The following ALDH3B2 variants were observed in gnomAD, a reference collection of about 807,000 sequenced individuals.
ALDH3B2 encodes aldehyde dehydrogenase family 3 member B2.
ALDH3B2 carries 45 observed loss-of-function variants against 36.7 expected under a neutral mutation model. The ratio of observed to expected loss-of-function variants is 1.23; its 90% confidence interval spans 0.97 to 1.57. The LOEUF is 1.57. ALDH3B2 is among the 40% of genes most tolerant of loss of function. The pLI is 0.00. For synonymous variants in ALDH3B2, 217 were observed against 226.5 expected, an observed-to-expected ratio of 0.96 and a Z score of 0.38; for missense variants, 464 against 513.3, an observed-to-expected ratio of 0.90 and a Z score of 0.93.
intron 6 of ALDH3B2, 102 bp downstream of exon 6, chr11:67,666,020 T>G: frequency 7.1e-7 from 1 of 1,415,662 alleles, no homozygotes; most frequent in African/African-American, 1.4e-5. Flanking sequence ...GCTCCCCACG[T>G]GCCCCCACTG....
chr11:67,675,910 G>A (rs984122204), upstream of ALDH3B2, among the ~76,000 whole-genome samples: 2 of 152,332 alleles, frequency 1.3e-5, no homozygotes, highest in East Asian at 3.9e-4. Flanking sequence ...CTGAATAGAC[G>A]TAAATAAATT....
Position 67,664,703 on chromosome 11 carries a change from G to T in ALDH3B2, c.707-141C>A, listed in dbSNP as rs1344546908. 5.4e-6 allele frequency: 7 copies of T among 1,288,948 alleles called. No individual in the cohort carries two copies. The East Asian group carries it at 1.5e-4, about 28-fold the overall frequency. 79.8% of individuals were successfully genotyped at this position (1,288,948 alleles called of 1,614,324 possible). ...TGACTTCCCAGCGCTTCAGGCTTTG[G>T]AGTGTTTAGGGAAGAAAGTTTCCCC... is the stretch of plus-strand genomic sequence containing the variant. On this transcript the variant is annotated intron_variant, in intron 7 of 9. Coordinates refer to ENST00000349015, the Ensembl canonical transcript of ALDH3B2.
intron 1 of ALDH3B2, among the ~76,000 whole-genome samples, chr11:67,672,250 C>T (rs1167527979): frequency 1.3e-5 from 2 of 149,380 alleles, no homozygotes; most frequent in South Asian, 2.1e-4. Flanking sequence ...CGGATTCAAG[C>T]GATTCTCCTG....
In ALDH3B2 at chr11:67,665,635, G is replaced by C. The variant is rs1257063432; in HGVS notation, c.356C>G (p.Ala119Gly). The C allele has an allele frequency of 1.9e-6, 3 of 1,612,946 alleles. No homozygotes were observed. In the South Asian group the frequency reaches 3.3e-5, roughly 18 times the overall value. ...GGTGACAGGCGTCAGGTGCTTGGTGGCAGCAGTCATGACAATCTTGCCCAC... is the reference window on the plus strand; with the variant it reads ...GGTGACAGGCGTCAGGTGCTTGGTGCCAGCAGTCATGACAATCTTGCCCAC... The change falls in exon 7 of 10, where the codon GCC (alanine) becomes GGC (glycine). Residue 119 changes from alanine (A) to glycine (G), a missense_variant. Coordinates refer to ENST00000349015, the Ensembl canonical transcript of ALDH3B2.
upstream of ALDH3B2, among the ~76,000 whole-genome samples, chr11:67,674,919 G>A (rs1046892951): frequency 6.6e-6 from 1 of 152,158 alleles, no homozygotes; most frequent in Non-Finnish European, 1.5e-5. Flanking sequence ...GCAGGATCCT[G>A]GTGGCAAATG....
Position 67,666,182 on chromosome 11 carries a change from C to A in ALDH3B2, c.259G>T (p.Gly87Cys), listed in dbSNP as rs776679170. The A allele has an allele frequency of 3.7e-6, 6 of 1,614,186 alleles. No homozygotes were observed. The Admixed American group carries it at 1.0e-4, about 27-fold the overall frequency. ...AGCTGCCCTGTCTCCTGGGGTCCGC[C>A]CAGCACCACGGCAAAGCAGCTCTGC... Residue 87 changes from glycine (G) to cysteine (C), a missense_variant, in exon 6 of 10, where the codon GGC (glycine) becomes TGC (cysteine). Coordinates refer to ENST00000349015, the Ensembl canonical transcript of ALDH3B2.
At chr11:67,664,619 G>A in intron 7 of ALDH3B2, 57 bp from the exon 8 acceptor site, 2 of 1,595,914 alleles carry the variant, frequency 1.3e-6, no homozygotes, top group Non-Finnish European at 1.7e-6. Flanking sequence ...GCCCCCAGGG[G>A]TAGGGTAGAG....
exon 5 of ALDH3B2, chr11:67,666,361 G>A: frequency 6.2e-7 from 1 of 1,606,146 alleles, no homozygotes; most frequent in Non-Finnish European, 8.5e-7. Context: ...CCTTCTCTGT[G>A]CCCTGGCTGA....
rs771148923 is a variant in ALDH3B2 at position 67,665,350 on chromosome 11, C to T, written c.641G>A (p.Arg214Gln). The T allele has an allele frequency of 4.0e-5, 64 of 1,612,922 alleles. 1 individual carries two copies. The highest frequency in any genetic ancestry group is 1.0e-4 in the Admixed American group (6 of 59,870). Residue 214 changes from arginine (R) to glutamine (Q), a missense_variant, in exon 7 of 10, where the codon CGG (arginine) becomes CAG (glutamine). Physicochemically the swap from Arg to Gln is conservative, Grantham distance 43. Coordinates refer to ENST00000349015, the Ensembl canonical transcript of ALDH3B2. ...CACGCGGCTGCAGCCCAGCAATGCC[C>T]GCAGCCGCTGGAACTGTTTCTGGTT...
chr11:67,670,707 C>T lies in ALDH3B2; in HGVS notation c.-244-3072G>A, dbSNP rs374056763. 1.1e-4 allele frequency among the ~76,000 whole-genome samples: 17 copies of T among 152,270 alleles called. 1 individual carries two copies. The South Asian group carries it at 3.5e-3, about 32-fold the overall frequency. On this transcript the variant is annotated intron_variant, in intron 1 of 9. Coordinates refer to ENST00000349015, the Ensembl canonical transcript of ALDH3B2. ...TGAAGAATGTGAGGAGACAGGAAGC[C>T]ATGCTGGGCACCTTCCTGGCCACAC...
At chr11:67,678,135 C>G (rs372077900), upstream of ALDH3B2, among the ~76,000 whole-genome samples, 5 of 152,068 alleles carry the variant, frequency 3.3e-5, no homozygotes, top group Non-Finnish European at 7.3e-5. Flanking sequence ...TCATATGGAA[C>G]CAAAAAAGAG....
intron 1 of ALDH3B2, among the ~76,000 whole-genome samples, chr11:67,672,077 A>G (rs56369594): frequency 0.015 from 964 of 66,382 alleles, 91 homozygotes; most frequent in African/African-American, 0.055. Flanking sequence ...ATATATATAT[A>G]TATATATATA....
intron 1 of ALDH3B2, among the ~76,000 whole-genome samples, chr11:67,669,751 TCCAC>T (rs1191404885): frequency 2.9e-5 from 4 of 136,986 alleles, no homozygotes; most frequent in Admixed American, 1.4e-4. Context: ...GGTGTCTGTG[TCCAC>T]GTGTGTCTGT....
intron 1 of ALDH3B2, 95 bp from the exon 2 acceptor site, chr11:67,667,730 C>T: frequency 4.3e-6 from 1 of 233,878 alleles, no homozygotes; most frequent in Non-Finnish European, 8.2e-6. Context: ...CCTTGCCCCA[C>T]CTGCACCCAT....
chr11:67,663,258 A>G (rs375308570), exon 10 of ALDH3B2: 8 of 1,613,772 alleles, frequency 5.0e-6, no homozygotes, highest in Non-Finnish European at 6.8e-6. Context: ...CCAGCGTAAC[A>G]GCTGCTGGTT....
At chr11:67,672,991 T>C (rs11227878) in intron 1 of ALDH3B2, among the ~76,000 whole-genome samples, 139,227 of 147,490 alleles carry the variant, frequency 0.94, 66,261 homozygotes, top group Middle Eastern at 1. Context: ...AGTGCAGTGG[T>C]GCGATCTCAG....
intron 1 of ALDH3B2, among the ~76,000 whole-genome samples, chr11:67,680,372 G>A (rs1410078293): frequency 6.6e-6 from 1 of 152,108 alleles, no homozygotes; most frequent in Non-Finnish European, 1.5e-5. Context: ...TGCCCTGATG[G>A]AATAGATTCC....
chr11:67,672,568 C>T (rs541952635), intron 1 of ALDH3B2, among the ~76,000 whole-genome samples: 3 of 152,012 alleles, frequency 2.0e-5, no homozygotes, highest in East Asian at 1.9e-4. Flanking sequence ...CACAGGTGCA[C>T]GTCCTCAACC....
rs372175374 is a variant in ALDH3B2 at position 67,665,703 on chromosome 11, C to G, written c.320-32G>C. ...GTGGAAGGAAACCAGAGTGGCCAGT[C>G]AGTGACCTGGACCAGGCAGGATGGC... On this transcript the variant is annotated intron_variant, in intron 6 of 9. Transcript: ENST00000349015. The G allele has an allele frequency of 1.7e-4, 272 of 1,579,120 alleles. 1 individual carries two copies. The African/African-American group carries it at 2.7e-3, about 16-fold the overall frequency.
Sources: gnomAD v4.1 joint callset for allele counts (sites outside exome capture counted in the v4.1 genomes callset) on GRCh38, gnomAD v4.1.1 for gene constraint, MANE v1.5 for transcripts, NCBI Gene and HGNC (gene_info 2026-07-23, HGNC 2026-07-21) for gene names.